SND1: variants seen among roughly 807,000 people sequenced by gnomAD.
SND1 encodes the protein staphylococcal nuclease and tudor domain containing 1.
In SND1, 38 loss-of-function variants were observed where a neutral mutation model predicts 121.7. The observed-to-expected ratio is 0.31, with a 90% CI of 0.24 to 0.41. SND1 has a LOEUF of 0.41. Among genes scored for constraint, SND1 ranks in the 10% least tolerant of loss-of-function variants. The probability of loss-of-function intolerance (pLI) is 1.00; values close to 1 mark genes in which losing one functional copy is unlikely to be tolerated. For missense variants in SND1, 868 were observed against 1,184.6 expected, an observed-to-expected ratio of 0.73 and a Z score of 3.92; for synonymous variants, 401 against 447.4, an observed-to-expected ratio of 0.90 and a Z score of 1.31.
chr7:127,922,197 T>TTTGTTTTTTG (rs1800731010), intron 14 of SND1, among the ~76,000 whole-genome samples: 1 of 135,372 alleles, frequency 7.4e-6, no homozygotes, highest in African/African-American at 2.8e-5. Context: ...TTTTTTTTTT[T>TTTGTTTTTTG]TTTTTTGTTT....
intron 4 of SND1, among the ~76,000 whole-genome samples, chr7:127,700,724 A>T (rs532619482): frequency 6.6e-6 from 1 of 152,282 alleles, no homozygotes; most frequent in East Asian, 1.9e-4. Context: ...TTCATTCCAC[A>T]TTCCTCAGCC....
In SND1 at chr7:127,976,360, T is replaced by G. The variant is rs950796895; in HGVS notation, c.1670-14587T>G. Among the ~76,000 whole-genome samples, 6 of 152,378 alleles carry G rather than the reference T, an allele frequency of 3.9e-5. No homozygotes were observed. The East Asian group carries it at 7.7e-4, about 20-fold the overall frequency. On this transcript the variant is annotated intron_variant, in intron 15 of 23. Transcript: ENST00000354725. ...GGCACAGCCTGATGGCACAAGTTAA[T>G]ACCTCCTGCATGGCTGCAAAAATAA... is the stretch of plus-strand genomic sequence containing the variant.
intron 10 of SND1, among the ~76,000 whole-genome samples, chr7:127,782,567 C>T (rs150826970): frequency 1.7e-3 from 261 of 152,298 alleles, no homozygotes; most frequent in African/African-American, 5.9e-3. Flanking sequence ...ATTTAATTGG[C>T]TATTCTACAG....
intron 12 of SND1, among the ~76,000 whole-genome samples, chr7:127,850,043 A>G (rs1799136703): frequency 6.6e-6 from 1 of 152,236 alleles, no homozygotes; most frequent in South Asian, 2.1e-4. Context: ...AAATTTGCAA[A>G]GAATAAGACT....
chr7:128,070,525 TC>T lies in SND1; in HGVS notation c.1780-3975del, dbSNP rs141878225. Among the ~76,000 whole-genome samples the T allele has an allele frequency of 7.1e-3, 1,075 of 152,316 alleles. 8 individuals carry two copies. The highest frequency in any genetic ancestry group is 0.025 in the African/African-American group (1,019 of 41,562). On this transcript the variant is annotated intron_variant, in intron 16 of 23. Transcript: ENST00000354725. ...TGGAAGCTATTGAGTCCAGAGCTCT[TC>T]CTGAAACACTCCAAGATGCCCAAGA...
chr7:127,910,937 C>T (rs143489642), intron 14 of SND1, among the ~76,000 whole-genome samples: 7 of 152,232 alleles, frequency 4.6e-5, no homozygotes, highest in African/African-American at 1.4e-4. Flanking sequence ...ATTTGGTATC[C>T]GAGAAAATCC....
intron 2 of SND1, among the ~76,000 whole-genome samples, chr7:127,693,575 T>A (rs1167089724): frequency 6.6e-6 from 1 of 152,200 alleles, no homozygotes. Context: ...TTGGGTGACT[T>A]CATGGAATAA....
At chr7:127,659,785 G>A (rs1795276371) in intron 1 of SND1, among the ~76,000 whole-genome samples, 1 of 152,202 alleles carries the variant, frequency 6.6e-6, no homozygotes, top group Non-Finnish European at 1.5e-5. Flanking sequence ...TTTGGGTAAT[G>A]TTGGGTAAGA....
chr7:127,863,529 A>G (rs1421171625), intron 12 of SND1, among the ~76,000 whole-genome samples: 1 of 152,182 alleles, frequency 6.6e-6, no homozygotes, highest in East Asian at 1.9e-4. Context: ...TGCCTTAGTT[A>G]CTTTGTTTTG....
In SND1 at chr7:127,701,188, T is replaced by G. The variant is rs777713697; in HGVS notation, c.454T>G (p.Cys152Gly). ...TCCTGAGCAGAACCGGCTTTCAGAA[T>G]GTGAAGAACAAGCAAAGGCAGCCAA... Reference protein sequence around the residue: ...NNPEQNRLSECEEQAKAAKKG... With the variant: ...NNPEQNRLSEGEEQAKAAKKG... Residue 152 changes from cysteine to glycine, a missense_variant, in exon 5 of 24, where the codon TGT becomes GGT. Cys to Gly is a radical substitution (Grantham distance 159). Transcript: ENST00000354725. 1.9e-6 allele frequency: 3 copies of G among 1,613,984 alleles called. No homozygotes were observed. Among genetic ancestry groups the G allele is most frequent in the Admixed American group, 1.7e-5 (1 of 60,002 alleles).
chr7:127,894,133 CA>C (rs1264652790), intron 13 of SND1, among the ~76,000 whole-genome samples: 2 of 152,054 alleles, frequency 1.3e-5, no homozygotes, highest in South Asian at 4.1e-4. Flanking sequence ...AAGAGGGATT[CA>C]GTATTAATTG....
intron 13 of SND1, among the ~76,000 whole-genome samples, chr7:127,894,711 G>T (rs908428376): frequency 6.6e-6 from 1 of 151,494 alleles, no homozygotes; most frequent in African/African-American, 2.4e-5. Context: ...GGGTTAATCA[G>T]TTCTCCAAGA....
intron 12 of SND1, among the ~76,000 whole-genome samples, chr7:127,877,143 C>T (rs1799705759): frequency 6.6e-6 from 1 of 152,070 alleles, no homozygotes; most frequent in Non-Finnish European, 1.5e-5. Flanking sequence ...AAGCCATAAC[C>T]ATGATATTGC....
At chr7:128,069,974 C>A (rs189094704) in intron 16 of SND1, among the ~76,000 whole-genome samples, 121 of 152,300 alleles carry the variant, frequency 7.9e-4, no homozygotes, top group African/African-American at 2.7e-3. Context: ...GGCATTGAAG[C>A]GGGCAAAGGT....
At chr7:127,867,802 C>T (rs143986153) in intron 12 of SND1, among the ~76,000 whole-genome samples, 264 of 152,034 alleles carry the variant, frequency 1.7e-3, no homozygotes, top group African/African-American at 6.1e-3. Context: ...AGAATCATTC[C>T]ATAACCTTAG....
chr7:128,033,030 C>T (rs898169847), intron 16 of SND1, among the ~76,000 whole-genome samples: 1 of 152,192 alleles, frequency 6.6e-6, no homozygotes, highest in Non-Finnish European at 1.5e-5. Flanking sequence ...TCTTCGCTGG[C>T]CGGAGTCGCC....
intron 9 of SND1, among the ~76,000 whole-genome samples, chr7:127,719,390 TCTAAA>T (rs1190633668): frequency 6.6e-6 from 1 of 152,190 alleles, no homozygotes; most frequent in Non-Finnish European, 1.5e-5. Context: ...GTTTTTAAGT[TCTAAA>T]CTCATGAATA....
chr7:127,670,211 A>G (rs1795492050), intron 1 of SND1, among the ~76,000 whole-genome samples: 1 of 151,438 alleles, frequency 6.6e-6, no homozygotes, highest in Admixed American at 6.6e-5. Flanking sequence ...CTGGTCTCGA[A>G]CTCCTGATCT....
chr7:127,907,175 C>G (rs1478483694), intron 14 of SND1, among the ~76,000 whole-genome samples: 2 of 152,206 alleles, frequency 1.3e-5, no homozygotes, highest in African/African-American at 4.8e-5. Flanking sequence ...AATTATTCAC[C>G]TAAGAGTGCA....
Sources: gnomAD v4.1 joint callset for allele counts (sites outside exome capture counted in the v4.1 genomes callset) on GRCh38, gnomAD v4.1.1 for gene constraint, MANE v1.5 for transcripts, NCBI Gene and HGNC (gene_info 2026-07-23, HGNC 2026-07-21) for gene names.